The following PPIC variants were observed in gnomAD, a reference collection of about 807,000 sequenced individuals.
PPIC encodes the protein peptidylprolyl isomerase C.
PPIC carries 19 observed loss-of-function variants against 19.5 expected under a neutral mutation model. The observed-to-expected ratio is 0.98, with a 90% CI of 0.68 to 1.43. The LOEUF is 1.43. PPIC is among the 40% of genes most tolerant of loss of function. The pLI, the probability that PPIC is intolerant of heterozygous loss-of-function variation, is 0.00. For synonymous variants in PPIC, 107 were observed against 101.2 expected (o/e 1.06, Z -0.34); for missense variants, 268 against 268.6 (o/e 1.00, Z 0.02).
At chr5:123,030,872 AAGAAACATCATACG>A (rs1231134769) in intron 1 of PPIC, among the ~76,000 whole-genome samples, 1 of 152,202 alleles carries the variant, frequency 6.6e-6, no homozygotes, top group African/African-American at 2.4e-5. Context: ...TGAAACCTTA[AAGAAACATCATACG>A]AGACACTAGA....
At chr5:123,025,356 T>C (rs1254478948) in intron 4 of PPIC, among the ~76,000 whole-genome samples, 1 of 152,230 alleles carries the variant, frequency 6.6e-6, no homozygotes, top group Admixed American at 6.5e-5. Flanking sequence ...TCTGTTTCTA[T>C]CAATGTGACC....
chr5:123,031,532 A>G (rs1332710768), intron 1 of PPIC, among the ~76,000 whole-genome samples: 1 of 152,208 alleles, frequency 6.6e-6, no homozygotes, highest in Non-Finnish European at 1.5e-5. Context: ...TCTGACCACA[A>G]CTAGGGGTTA....
rs149059275 is a variant in PPIC, at chr5:123,023,973, T to G, written c.541A>C (p.Thr181Pro). 1.6e-5 allele frequency: 26 copies of G among 1,614,032 alleles called. No homozygotes were observed. In the East Asian group the frequency reaches 5.6e-4, roughly 35 times the overall value. ...TVVHSIELQA[T>P]DGHDRPLTNC... ...GTGAGTGGACGGTCATGCCCATCAGTTGCTTGGAGCTCTATGGAGTGCACC... is the reference window on the plus strand; with the variant it reads ...GTGAGTGGACGGTCATGCCCATCAGGTGCTTGGAGCTCTATGGAGTGCACC... Residue 181 changes from threonine (T) to proline (P), a missense_variant, in exon 5 of 5, where the codon ACT becomes CCT. Coordinates refer to ENST00000306442, the MANE Select transcript of PPIC (RefSeq NM_000943.5).
At position 123,029,286 on chromosome 5, in the gene PPIC, A is replaced by G. The variant is rs1054169133; in HGVS notation, c.231+19T>C. ...AAAGAAAGAAGACCCAATTTAAAGGAAATAAAATTGAGACATACCTCTCCT... is the reference window on the plus strand; with the variant it reads ...AAAGAAAGAAGACCCAATTTAAAGGGAATAAAATTGAGACATACCTCTCCT... On this transcript the variant is annotated intron_variant, in intron 2 of 4. Coordinates refer to ENST00000306442, the MANE Select transcript of PPIC (RefSeq NM_000943.5). 5 of 1,614,136 alleles carry G rather than the reference A, an allele frequency of 3.1e-6. No individual in the cohort carries two copies. Among genetic ancestry groups the G allele is most frequent in the Non-Finnish European group, 4.2e-6 (5 of 1,179,990 alleles).
intron 1 of PPIC, among the ~76,000 whole-genome samples, chr5:123,032,068 AT>A (rs917370502): frequency 1.3e-5 from 2 of 152,172 alleles, no homozygotes; most frequent in Non-Finnish European, 2.9e-5. Context: ...AAGTGCTGGG[AT>A]TACAGGCATG....
At chr5:123,032,936 T>TGGGAGGAGGTAGAGGAAGA (rs1429470414) in intron 1 of PPIC, among the ~76,000 whole-genome samples, 2 of 152,014 alleles carry the variant, frequency 1.3e-5, no homozygotes, top group African/African-American at 2.4e-5. Flanking sequence ...GCATTGGAGA[T>TGGGAGGAGGTAGAGGAAGA]GGGAGGAGGT....
At chr5:123,028,896 A>T in intron 2 of PPIC, 28 bp from the exon 3 acceptor site, 1 of 1,534,196 alleles carries the variant, frequency 6.5e-7, no homozygotes, top group East Asian at 2.2e-5. Flanking sequence ...GTTGAATAAC[A>T]AGTAACAGAG....
chr5:123,034,974 T>G (rs1355796345), intron 1 of PPIC, among the ~76,000 whole-genome samples: 1 of 152,244 alleles, frequency 6.6e-6, no homozygotes, highest in Non-Finnish European at 1.5e-5. Context: ...TCAGTGGCTC[T>G]GACTGCAGAA....
rs755764920 is a variant in PPIC at position 123,025,774 on chromosome 5, A to G, written c.510+10T>C. ...TAAAGCTTTGAAAGGAAAAAAATGT[A>G]TCAATTTACCATCCCATCAATGACT... On this transcript the variant is annotated intron_variant, in intron 4 of 4. Transcript: ENST00000306442. 72 of 1,609,318 alleles carry G rather than the reference A, an allele frequency of 4.5e-5. No individual in the cohort carries two copies. The highest frequency in any genetic ancestry group is 5.8e-5 in the Non-Finnish European group (68 of 1,178,704).
chr5:123,036,187 C>T lies in PPIC; in HGVS notation c.117+322G>A, dbSNP rs1160129147. The T allele has an allele frequency of 2.6e-6, 1 of 380,728 alleles. No homozygotes were observed. Among genetic ancestry groups the T allele is most frequent in the African/African-American group, 2.2e-5 (1 of 45,352 alleles). 23.6% of individuals were successfully genotyped at this position (380,728 alleles called of 1,614,324 possible). On this transcript the variant is annotated intron_variant, in intron 1 of 4. Transcript: ENST00000306442. This position sits in a 1 kb window ranked among gnomAD's most constrained non-coding sequence, Gnocchi z 4.5. Reference sequence around the variant, plus strand: ...AGGAAGTACTTGGGCAGTCTCTTTCCTGGAGAACGGGCCCGCCGGTTCCGG... The same window carrying T: ...AGGAAGTACTTGGGCAGTCTCTTTCTTGGAGAACGGGCCCGCCGGTTCCGG...
In PPIC at chr5:123,036,308, G is replaced by GCTCCCCCAGGGT. The variant is rs1763011346; in HGVS notation, c.117+189_117+200dup. 4 of 586,462 alleles carry GCTCCCCCAGGGT rather than the reference G, an allele frequency of 6.8e-6. No individual in the cohort carries two copies. Among genetic ancestry groups the GCTCCCCCAGGGT allele is most frequent in the Non-Finnish European group, 1.2e-5 (4 of 331,556 alleles). 36.3% of individuals were successfully genotyped at this position (586,462 alleles called of 1,614,324 possible). On this transcript the variant is annotated intron_variant, in intron 1 of 4. Coordinates refer to ENST00000306442, the MANE Select transcript of PPIC (RefSeq NM_000943.5). The surrounding 1 kb of genome is among the most constrained non-coding windows in gnomAD (Gnocchi z 4.5). ...GCGGAGGTAGGCTGGCCTCAGCCCA[G>GCTCCCCCAGGGT]CTCCCCCAGGGTCTCCCCCGGAGCG...
intron 1 of PPIC, among the ~76,000 whole-genome samples, chr5:123,034,759 C>T (rs759620376): frequency 5.9e-5 from 9 of 152,152 alleles, no homozygotes; most frequent in East Asian, 1.9e-4. Context: ...TCTAAACCGT[C>T]AGCAACTCCT....
In PPIC at chr5:123,036,434, G is replaced by T; in HGVS notation, c.117+75C>A. On this transcript the variant is annotated intron_variant, in intron 1 of 4. Coordinates refer to ENST00000306442, the MANE Select transcript of PPIC (RefSeq NM_000943.5). This position sits in a 1 kb window ranked among gnomAD's most constrained non-coding sequence, Gnocchi z 4.5. Reference sequence around the variant, plus strand: ...CCTCCACCTCGCCCGCCCTGACACCGAGGTCCCAGTATCCAAAGCGCCCCC... The same window carrying T: ...CCTCCACCTCGCCCGCCCTGACACCTAGGTCCCAGTATCCAAAGCGCCCCC... 1 of 1,343,942 alleles carries T rather than the reference G, an allele frequency of 7.4e-7. No individual in the cohort carries two copies. 83.3% of individuals were successfully genotyped at this position (1,343,942 alleles called of 1,614,324 possible).
In PPIC at chr5:123,023,812, ACAC is replaced by A; in HGVS notation, c.*60_*62del. Reference sequence around the variant, plus strand: ...AAATAATTGAAAGACAACACAACACACACACACACACACACACACACACACCCC... The same window carrying A: ...AAATAATTGAAAGACAACACAACACAACACACACACACACACACACACCCC... On this transcript the variant is annotated 3_prime_UTR_variant, in exon 5 of 5. Transcript: ENST00000306442. The A allele has an allele frequency of 3.3e-6, 5 of 1,495,880 alleles. No homozygotes were observed. The South Asian group carries it at 3.9e-5, about 12-fold the overall frequency. The allele number at this position is 1,495,880 out of a possible 1,614,324, so 92.7% of individuals were successfully genotyped here. A position where few individuals can be genotyped will look rare whatever the true frequency, so the allele number is the denominator to read the frequency against.
At chr5:123,027,344 TC>T (rs1452398820) in intron 3 of PPIC, among the ~76,000 whole-genome samples, 5 of 151,952 alleles carry the variant, frequency 3.3e-5, no homozygotes, top group Admixed American at 1.3e-4. Context: ...TGTCCAAAAT[TC>T]AGAGAATTTT....
At chr5:123,025,491 G>T (rs777203543) in intron 4 of PPIC, among the ~76,000 whole-genome samples, 5 of 152,152 alleles carry the variant, frequency 3.3e-5, no homozygotes, top group Non-Finnish European at 5.9e-5. Context: ...TCCATTGTGT[G>T]TATATATGGG....
At chr5:123,034,746 C>T (rs911825956) in intron 1 of PPIC, among the ~76,000 whole-genome samples, 31 of 152,184 alleles carry the variant, frequency 2.0e-4, no homozygotes, top group African/African-American at 6.8e-4. Context: ...CCCTCGCCCC[C>T]TTTCTAAACC....
At chr5:123,032,616 G>T (rs903585685) in intron 1 of PPIC, among the ~76,000 whole-genome samples, 2 of 152,236 alleles carry the variant, frequency 1.3e-5, no homozygotes, top group African/African-American at 4.8e-5. Context: ...CTCTGATGTT[G>T]CTGAGTGCCT....
chr5:123,027,688 T>C (rs2150189074), intron 3 of PPIC, among the ~76,000 whole-genome samples: 1 of 152,332 alleles, frequency 6.6e-6, no homozygotes, highest in Admixed American at 6.5e-5. Context: ...TTTTTGGTTA[T>C]AAACAAACCA....
Sources: allele counts gnomAD v4.1 joint callset (sites outside exome capture counted in the v4.1 genomes callset), GRCh38; gene constraint gnomAD v4.1.1; non-coding constraint Gnocchi (gnomAD v3.1); transcripts MANE v1.5; gene names NCBI Gene and HGNC (gene_info 2026-07-23, HGNC 2026-07-21).